SLC9C2: variants seen among roughly 807,000 people sequenced by gnomAD.
SLC9C2 encodes the protein sodium/hydrogen exchanger 11.
SLC9C2 carries 75 observed loss-of-function variants against 140.2 expected under a neutral mutation model. That is an observed-to-expected ratio of 0.53 (90% confidence interval 0.44 to 0.65). The LOEUF (loss-of-function observed/expected upper bound fraction) is 0.65, where lower values mean the gene tolerates loss of function less well. Ranked by LOEUF, SLC9C2 falls within the 30% of genes least tolerant of loss-of-function variation. The probability of loss-of-function intolerance (pLI) is 0.00; values close to 1 mark genes in which losing one functional copy is unlikely to be tolerated. For missense variants in SLC9C2, 1,074 were observed against 1,331.8 expected, an observed-to-expected ratio of 0.81 and a Z score of 3.01; for synonymous variants, 375 against 420.9, an observed-to-expected ratio of 0.89 and a Z score of 1.34.
At position 173,574,505 on chromosome 1, in the gene SLC9C2, C is replaced by CTTTT. The variant is rs746733038; in HGVS notation, c.903-1184_903-1181dup. Among the ~76,000 whole-genome samples the CTTTT allele has an allele frequency of 1.2e-3, 126 of 104,808 alleles. 4 individuals are homozygous for CTTTT. Among genetic ancestry groups the CTTTT allele is most frequent in the African/African-American group, 4.9e-3 (117 of 24,060 alleles). 68.8% of individuals were successfully genotyped at this position (104,808 alleles called of 152,430 possible). A position where few individuals can be genotyped will look rare whatever the true frequency, so the allele number is the denominator to read the frequency against. ...ATGGAATAACTGACTGAGTTAAGTA[C>CTTTT]TTTTTTTTTTTTTTTTTTTTTTGAG... On this transcript the variant is annotated intron_variant, in intron 8 of 27. Coordinates refer to ENST00000367714, the MANE Select transcript of SLC9C2 (RefSeq NM_178527.4).
intron 8 of SLC9C2, among the ~76,000 whole-genome samples, chr1:173,576,265 T>C (rs955391738): frequency 6.6e-6 from 1 of 152,152 alleles, no homozygotes; most frequent in Non-Finnish European, 1.5e-5. Flanking sequence ...AAAGGGTAGG[T>C]AAGAGTTTTA....
chr1:173,579,978 G>T (rs573043334), intron 7 of SLC9C2, among the ~76,000 whole-genome samples: 1 of 152,268 alleles, frequency 6.6e-6, no homozygotes, highest in South Asian at 2.1e-4. Context: ...GAAGGAAAAG[G>T]GAATAGGAAC....
At chr1:173,515,382 T>G (rs927049713) in intron 23 of SLC9C2, among the ~76,000 whole-genome samples, 5 of 152,208 alleles carry the variant, frequency 3.3e-5, no homozygotes, top group Admixed American at 1.3e-4. Flanking sequence ...TCTCTAATCT[T>G]CTCTGCATGC....
chr1:173,519,111 C>T (rs528161761), intron 22 of SLC9C2, among the ~76,000 whole-genome samples: 11 of 151,934 alleles, frequency 7.2e-5, no homozygotes, highest in African/African-American at 2.2e-4. Flanking sequence ...AAACAACAGA[C>T]GGGAATATTG....
chr1:173,513,472 G>A lies in SLC9C2; in HGVS notation c.2908-3773C>T, dbSNP rs995295256. On this transcript the variant is annotated intron_variant, in intron 23 of 27. Coordinates refer to ENST00000367714, the MANE Select transcript of SLC9C2 (RefSeq NM_178527.4). ...ACATAGAGGTGTTTATTCTCTGATC[G>A]TAGTTTGTATTTCTGTGGGGTCAGT... Among the ~76,000 whole-genome samples, 10 of 152,044 alleles carry A rather than the reference G, an allele frequency of 6.6e-5. No individual in the cohort carries two copies. The South Asian group carries it at 1.0e-3, about 16-fold the overall frequency.
chr1:173,524,644 A>G lies in SLC9C2; in HGVS notation c.2514+135T>C, dbSNP rs1661070297. ...TGCATCGGCATTCGTTGTCCTTTGC[A>G]TTATCAAAGGCTGAAGGTGATTATA... On this transcript the variant is annotated intron_variant, in intron 20 of 27. Transcript: ENST00000367714. 6 of 922,524 alleles carry G rather than the reference A, an allele frequency of 6.5e-6. No homozygotes were observed. In the Admixed American group the frequency reaches 1.5e-4, roughly 23 times the overall value. The allele number at this position is 922,524 out of a possible 1,614,324, so 57.1% of individuals were successfully genotyped here.
chr1:173,558,915 C>T (rs1300808223), intron 9 of SLC9C2, among the ~76,000 whole-genome samples: 1 of 152,184 alleles, frequency 6.6e-6, no homozygotes, highest in Non-Finnish European at 1.5e-5. Context: ...CTGGCACTCA[C>T]TAGCCATTTG....
Position 173,524,794 on chromosome 1 carries a change from G to T in SLC9C2, c.2499C>A (p.Val833=), listed in dbSNP as rs1051673576. The change falls in exon 20 of 28, where the codon GTC becomes GTA. Residue 833 remains valine, a synonymous_variant. Coordinates refer to ENST00000367714, the MANE Select transcript of SLC9C2 (RefSeq NM_178527.4). Reference sequence around the variant, plus strand: ...GCAAAATTACCTTATTTATCTCAATGACTTCATGCTTATCAATAATGCCTC... The same window carrying T: ...GCAAAATTACCTTATTTATCTCAATTACTTCATGCTTATCAATAATGCCTC... The part of the protein sequence containing the change: ...CSRGIIDKHE[V]IEINKVLLKK... 1 of 1,613,852 alleles carries T rather than the reference G, an allele frequency of 6.2e-7. No homozygotes were observed.
chr1:173,505,366 A>G (rs1659560727), intron 25 of SLC9C2, 35 bp from the exon 26 acceptor site: 2 of 1,506,546 alleles, frequency 1.3e-6, no homozygotes, highest in South Asian at 1.1e-5. Flanking sequence ...TCAAAAGAGC[A>G]TTCTTTGATC....
intron 17 of SLC9C2, among the ~76,000 whole-genome samples, chr1:173,531,719 C>A (rs529731233): frequency 3.3e-5 from 5 of 152,288 alleles, no homozygotes; most frequent in Non-Finnish European, 7.3e-5. Context: ...TTTACTGCGG[C>A]GCCGCCAGCC....
rs1438810839 is a variant in SLC9C2 at position 173,511,271 on chromosome 1, C to A, written c.2908-1572G>T. ...GGTCTTAATCTCTTGACCTCATGAT[C>A]CCCCTGCCTCAGCCTCCCAAAGTGC... On this transcript the variant is annotated intron_variant, in intron 23 of 27. Transcript: ENST00000367714. Among the ~76,000 whole-genome samples the A allele has an allele frequency of 3.3e-5, 5 of 152,054 alleles. 1 individual carries two copies. The South Asian group carries it at 1.0e-3, about 32-fold the overall frequency.
At chr1:173,601,226 G>A (rs1234263732) in intron 2 of SLC9C2, among the ~76,000 whole-genome samples, 1 of 152,192 alleles carries the variant, frequency 6.6e-6, no homozygotes, top group African/African-American at 2.4e-5. Flanking sequence ...CTATTTGTGT[G>A]TTTGCTCGCA....
rs577944792 is a variant in SLC9C2, at chr1:173,551,383, T to G, written c.1298-2831A>C. The stretch of plus-strand genomic sequence containing the variant: ...GCCTTCTGGTTTATTGATGAATCTG[T>G]GAATGTGGTGCAGGCATGCCTTATC... On this transcript the variant is annotated intron_variant, in intron 11 of 27. Transcript: ENST00000367714. 4.6e-5 allele frequency among the ~76,000 whole-genome samples: 7 copies of G among 152,282 alleles called. No homozygotes were observed. The East Asian group carries it at 9.6e-4, about 21-fold the overall frequency.
chr1:173,502,298 G>T (rs1269053822), intron 27 of SLC9C2, among the ~76,000 whole-genome samples: 5 of 112,748 alleles, frequency 4.4e-5, no homozygotes, highest in Admixed American at 8.6e-5. Flanking sequence ...AAAAAAAAAA[G>T]CTGTTTATTT....
rs1479379920 is a variant in SLC9C2, at chr1:173,583,404, AAAAGT to A, written c.640+97_640+101del. 1.6e-5 allele frequency: 10 copies of A among 629,686 alleles called. No homozygotes were observed. In the Admixed American group the frequency reaches 2.0e-4, roughly 13 times the overall value. 39.0% of individuals were successfully genotyped at this position (629,686 alleles called of 1,614,324 possible). A position where few individuals can be genotyped will look rare whatever the true frequency, so the allele number is the denominator to read the frequency against. The stretch of plus-strand genomic sequence containing the variant: ...CTTCATATATCATTGTAATCAGCCC[AAAAGT>A]AAAGTATAGAGAAGGCAGCAAAGTT... On this transcript the variant is annotated intron_variant, in intron 6 of 27. Coordinates refer to ENST00000367714, the MANE Select transcript of SLC9C2 (RefSeq NM_178527.4).
chr1:173,593,091 G>C (rs1430165473), intron 4 of SLC9C2, among the ~76,000 whole-genome samples: 1 of 152,134 alleles, frequency 6.6e-6, no homozygotes, highest in Non-Finnish European at 1.5e-5. Context: ...ACTAAATATG[G>C]AAAGGAAAGA....
At chr1:173,570,669 T>C (rs1292266611) in intron 9 of SLC9C2, among the ~76,000 whole-genome samples, 2 of 152,202 alleles carry the variant, frequency 1.3e-5, no homozygotes, top group African/African-American at 2.4e-5. Flanking sequence ...GTTCACTTAG[T>C]ATCCCACAGC....
At chr1:173,576,630 G>A (rs758373106) in intron 8 of SLC9C2, 31 bp downstream of exon 8, 5 of 1,407,784 alleles carry the variant, frequency 3.6e-6, no homozygotes, top group East Asian at 4.6e-5. Flanking sequence ...ACTGCTATGA[G>A]ATCCATCGAA....
At chr1:173,538,210 C>T (rs868589318) in intron 13 of SLC9C2, among the ~76,000 whole-genome samples, 3 of 152,286 alleles carry the variant, frequency 2.0e-5, no homozygotes, top group Middle Eastern at 6.8e-3. Context: ...CTGAGGGCTA[C>T]TGGAGCACTT....
Sources: allele counts gnomAD v4.1 joint callset (sites outside exome capture counted in the v4.1 genomes callset), GRCh38; gene constraint gnomAD v4.1.1; transcripts MANE v1.5; gene names NCBI Gene and HGNC (gene_info 2026-07-23, HGNC 2026-07-21).